AGPAT4: variants seen among roughly 807,000 people sequenced by gnomAD.
AGPAT4 encodes the protein 1-acyl-sn-glycerol-3-phosphate acyltransferase delta.
Under a neutral mutation model 48.0 loss-of-function variants are expected in AGPAT4, and 15 were observed. That is an observed-to-expected ratio of 0.31 (90% CI 0.21 to 0.48). The LOEUF is 0.48. Among genes scored for constraint, AGPAT4 ranks in the 20% least tolerant of loss-of-function variants. The pLI, the probability that AGPAT4 is intolerant of heterozygous loss-of-function variation, is 0.99. For synonymous variants in AGPAT4, 178 were observed against 198.7 expected, an observed-to-expected ratio of 0.90 and a Z score of 0.88; for missense variants, 314 against 482.5, an observed-to-expected ratio of 0.65 and a Z score of 3.27.
rs1403088162 is a variant in AGPAT4, at chr6:161,134,263, G to T, written c.*2277C>A. On this transcript the variant is annotated 3_prime_UTR_variant, in exon 9 of 9. Transcript: ENST00000320285. ...AGCCTGGAACCCAAGGCCCTAGCAG[G>T]CAGGCTGTTTGCTTGCTTGTGTGTT... 3 of 152,186 alleles carry T rather than the reference G, an allele frequency of 2.0e-5. No homozygotes were observed. Among genetic ancestry groups the T allele is most frequent in the African/African-American group, 7.2e-5 (3 of 41,446 alleles). 9.4% of individuals were successfully genotyped at this position (152,186 alleles called of 1,614,324 possible).
In AGPAT4 at chr6:161,242,935, G is replaced by A. The variant is rs111554537; in HGVS notation, c.-89-10633C>T. On this transcript the variant is annotated intron_variant, in intron 1 of 8. Coordinates refer to ENST00000320285, the MANE Select transcript of AGPAT4 (RefSeq NM_020133.3). This position sits in a 1 kb window ranked among gnomAD's most constrained non-coding sequence, Gnocchi z 5.0. ...ACACAAAAATTAGCCGGGCGTGGTGGCACGTGCCTCCCAGCTACTCGGGAG... is the reference window on the plus strand; with the variant it reads ...ACACAAAAATTAGCCGGGCGTGGTGACACGTGCCTCCCAGCTACTCGGGAG... 4.2e-3 allele frequency among the ~76,000 whole-genome samples: 641 copies of A among 152,170 alleles called. 3 individuals are homozygous for A. Among genetic ancestry groups the A allele is most frequent in the African/African-American group, 0.015 (604 of 41,504 alleles).
At position 161,139,519 on chromosome 6, in the gene AGPAT4, G is replaced by C. The variant is rs1779181496; in HGVS notation, c.945C>G (p.Ala315=). The C allele has an allele frequency of 6.2e-7, 1 of 1,613,994 alleles. No homozygotes were observed. Among genetic ancestry groups the C allele is most frequent in the South Asian group, 1.1e-5 (1 of 91,090 alleles). ...PWTLVNWLFW[A]SLVLYPFFQF... is the part of the protein sequence containing the mutation. ...GGAAGAAAGGGTAGAGCACCAGCGAGGCCCAAAACAGCCAGTTCACGAGGG... is the reference window on the plus strand; with the variant it reads ...GGAAGAAAGGGTAGAGCACCAGCGACGCCCAAAACAGCCAGTTCACGAGGG... Residue 315 remains alanine (A), a synonymous_variant, in exon 8 of 9, where the codon GCC becomes GCG. Coordinates refer to ENST00000320285, the MANE Select transcript of AGPAT4 (RefSeq NM_020133.3). The surrounding 1 kb of genome is among the most constrained non-coding windows in gnomAD (Gnocchi z 9.1).
chr6:161,224,311 T>C (rs1007972688), intron 2 of AGPAT4, among the ~76,000 whole-genome samples: 1 of 152,212 alleles, frequency 6.6e-6, no homozygotes, highest in South Asian at 2.1e-4. Flanking sequence ...ATGTGGCAAG[T>C]AGAACCGTTT....
At chr6:161,256,385 G>A (rs1373117433) in intron 1 of AGPAT4, among the ~76,000 whole-genome samples, 1 of 152,216 alleles carries the variant, frequency 6.6e-6, no homozygotes, top group Non-Finnish European at 1.5e-5. Flanking sequence ...AGTCTTCGGT[G>A]GATCAAATAT....
At position 161,140,297 on chromosome 6, in the gene AGPAT4, T is replaced by C. The variant is rs983518034; in HGVS notation, c.844-677A>G. ...GGGTGTCCAGGGTGACTCTTCTAAG[T>C]GATTGTTAGACCGTGTGAAAGGTAA... On this transcript the variant is annotated intron_variant, in intron 7 of 8. Transcript: ENST00000320285. This position sits in a 1 kb window ranked among gnomAD's most constrained non-coding sequence, Gnocchi z 6.5. 2.2e-4 allele frequency among the ~76,000 whole-genome samples: 33 copies of C among 152,286 alleles called. No individual in the cohort carries two copies. The highest frequency in any genetic ancestry group is 7.0e-4 in the African/African-American group (29 of 41,568).
chr6:161,269,438 A>G (rs1297753513), intron 1 of AGPAT4, among the ~76,000 whole-genome samples: 1 of 152,228 alleles, frequency 6.6e-6, no homozygotes, highest in Non-Finnish European at 1.5e-5. Context: ...TGTTCAATGA[A>G]AGAAGTATCC....
Position 161,169,629 on chromosome 6 carries a change from A to C in AGPAT4, c.179-3212T>G, listed in dbSNP as rs573008109. Among the ~76,000 whole-genome samples the C allele has an allele frequency of 1.3e-5, 2 of 152,102 alleles. No individual in the cohort carries two copies. Among genetic ancestry groups the C allele is most frequent in the Non-Finnish European group, 2.9e-5 (2 of 68,016 alleles). On this transcript the variant is annotated intron_variant, in intron 2 of 8. Coordinates refer to ENST00000320285, the MANE Select transcript of AGPAT4 (RefSeq NM_020133.3). This position sits in a 1 kb window ranked among gnomAD's most constrained non-coding sequence, Gnocchi z 5.0. Reference sequence around the variant, plus strand: ...GGGATTATAGGCATGAGCCACCACGACTAGCCCATTTTCTTAATCAAATGA... The same window carrying C: ...GGGATTATAGGCATGAGCCACCACGCCTAGCCCATTTTCTTAATCAAATGA...
chr6:161,137,858 A>G lies in AGPAT4; in HGVS notation c.1043-1224T>C, dbSNP rs901552593. On this transcript the variant is annotated intron_variant, in intron 8 of 8. Transcript: ENST00000320285. This position sits in a 1 kb window ranked among gnomAD's most constrained non-coding sequence, Gnocchi z 6.1. ...ACACTGCACCCCTCAGATGCTCCTGAAGACTCCCTGTGTCCATACTGCACC... is the reference window on the plus strand; with the variant it reads ...ACACTGCACCCCTCAGATGCTCCTGGAGACTCCCTGTGTCCATACTGCACC... Among the ~76,000 whole-genome samples the G allele has an allele frequency of 1.3e-5, 2 of 149,834 alleles. No individual in the cohort carries two copies. The highest frequency in any genetic ancestry group is 2.5e-5 in the African/African-American group (1 of 40,528).
intron 2 of AGPAT4, among the ~76,000 whole-genome samples, chr6:161,209,073 TA>T (rs1173954094): frequency 1.3e-5 from 2 of 152,188 alleles, no homozygotes; most frequent in Non-Finnish European, 2.9e-5. Context: ...GGGTTGCCCA[TA>T]AATCAGCTTG....
intron 2 of AGPAT4, among the ~76,000 whole-genome samples, chr6:161,209,083 T>G (rs141820549): frequency 6.6e-6 from 1 of 152,280 alleles, no homozygotes; most frequent in East Asian, 1.9e-4. Context: ...TAAATCAGCT[T>G]GAAACCTGGT....
intron 2 of AGPAT4, among the ~76,000 whole-genome samples, chr6:161,199,450 C>A (rs114393608): frequency 4.4e-4 from 67 of 152,300 alleles, no homozygotes; most frequent in African/African-American, 1.5e-3. Flanking sequence ...TGGTCATACA[C>A]ACACACACAT....
rs1780862413 is a variant in AGPAT4, at chr6:161,189,512, A to T, written c.179-23095T>A. Among the ~76,000 whole-genome samples the T allele has an allele frequency of 6.6e-6, 1 of 152,192 alleles. No individual in the cohort carries two copies. The highest frequency in any genetic ancestry group is 1.5e-5 in the Non-Finnish European group (1 of 68,030). On this transcript the variant is annotated intron_variant, in intron 2 of 8. Coordinates refer to ENST00000320285, the MANE Select transcript of AGPAT4 (RefSeq NM_020133.3). The surrounding 1 kb of genome is among the most constrained non-coding windows in gnomAD (Gnocchi z 5.3). ...GCGGAATTCACTTACTTACAACCTTAGTTGCCCGTCAGGACTATCCCTCCT... is the reference window on the plus strand; with the variant it reads ...GCGGAATTCACTTACTTACAACCTTTGTTGCCCGTCAGGACTATCCCTCCT...
At position 161,233,385 on chromosome 6, in the gene AGPAT4, C is replaced by G. The variant is rs1782180791; in HGVS notation, c.-89-1083G>C. Reference sequence around the variant, plus strand: ...GAAGCAGAAGAGCCTGGCAGACTACCCCAGGAAGACGTCTAATGTTACGAC... The same window carrying G: ...GAAGCAGAAGAGCCTGGCAGACTACGCCAGGAAGACGTCTAATGTTACGAC... On this transcript the variant is annotated intron_variant, in intron 1 of 8. Transcript: ENST00000320285. This position sits in a 1 kb window ranked among gnomAD's most constrained non-coding sequence, Gnocchi z 5.4. Among the ~76,000 whole-genome samples the G allele has an allele frequency of 6.6e-6, 1 of 152,158 alleles. No homozygotes were observed. The highest frequency in any genetic ancestry group is 1.5e-5 in the Non-Finnish European group (1 of 68,022).
chr6:161,170,323 T>A (rs1780227782), intron 2 of AGPAT4, among the ~76,000 whole-genome samples: 1 of 152,212 alleles, frequency 6.6e-6, no homozygotes, highest in Non-Finnish European at 1.5e-5. Flanking sequence ...GTTTAGCTTC[T>A]TATTGAACCC....
chr6:161,156,253 C>T (rs969351596), intron 3 of AGPAT4, among the ~76,000 whole-genome samples: 19 of 152,310 alleles, frequency 1.2e-4, no homozygotes, highest in African/African-American at 4.3e-4. Context: ...CTACTGCCCT[C>T]GGGACAAGCC....
Position 161,220,689 on chromosome 6 carries a change from T to C in AGPAT4, c.178+11347A>G, listed in dbSNP as rs1409186364. On this transcript the variant is annotated intron_variant, in intron 2 of 8. Coordinates refer to ENST00000320285, the MANE Select transcript of AGPAT4 (RefSeq NM_020133.3). The surrounding 1 kb of genome is among the most constrained non-coding windows in gnomAD (Gnocchi z 6.0). ...CCTATTGCCCTTCTGCCTTTCTCTA[T>C]GTTTGAAGGACAGTTTCATTCTATC... is the stretch of plus-strand genomic sequence containing the variant. 6.6e-6 allele frequency among the ~76,000 whole-genome samples: 1 copy of C among 152,232 alleles called. No homozygotes were observed. Among genetic ancestry groups the C allele is most frequent in the Non-Finnish European group, 1.5e-5 (1 of 68,042 alleles).
Position 161,161,097 on chromosome 6 carries a change from G to C in AGPAT4, c.348+5151C>G. On this transcript the variant is annotated intron_variant, in intron 3 of 8. Transcript: ENST00000320285. This position sits in a 1 kb window ranked among gnomAD's most constrained non-coding sequence, Gnocchi z 4.6. ...CACAGGCTGTGACCGTTTGCTGAGG[G>C]CTGCGCACAGAGGAGGAGGAAGCCC... 4.4e-6 allele frequency: 2 copies of C among 456,714 alleles called. No individual in the cohort carries two copies. The highest frequency in any genetic ancestry group is 8.8e-6 in the Non-Finnish European group (2 of 226,974). The allele number at this position is 456,714 out of a possible 1,614,324, so 28.3% of individuals were successfully genotyped here. A position where few individuals can be genotyped will look rare whatever the true frequency, so the allele number is the denominator to read the frequency against.
rs1562343446 is a variant in AGPAT4 at position 161,219,824 on chromosome 6, G to GATAGATAGATAGAT, written c.178+12211_178+12212insATCTATCTATCTAT. ...AGATTCACAGTAAAAAAGATAGACA[G>GATAGATAGATAGAT]AGATAGATAGATAGATAGATAGATA... On this transcript the variant is annotated intron_variant, in intron 2 of 8. Coordinates refer to ENST00000320285, the MANE Select transcript of AGPAT4 (RefSeq NM_020133.3). The surrounding 1 kb of genome is among the most constrained non-coding windows in gnomAD (Gnocchi z 4.9). Among the ~76,000 whole-genome samples the GATAGATAGATAGAT allele has an allele frequency of 2.2e-5, 2 of 89,504 alleles. No homozygotes were observed. The highest frequency in any genetic ancestry group is 4.2e-5 in the African/African-American group (1 of 23,568). 58.7% of individuals were successfully genotyped at this position (89,504 alleles called of 152,430 possible).
At position 161,216,998 on chromosome 6, in the gene AGPAT4, T is replaced by C. The variant is rs2115023120; in HGVS notation, c.178+15038A>G. On this transcript the variant is annotated intron_variant, in intron 2 of 8. Coordinates refer to ENST00000320285, the MANE Select transcript of AGPAT4 (RefSeq NM_020133.3). The surrounding 1 kb of genome is among the most constrained non-coding windows in gnomAD (Gnocchi z 4.8). ...ACACGTGGCTCTGATTCACCTTTGC[T>C]CACCTGCTGATGCGGTTCTCATGTT... Among the ~76,000 whole-genome samples the C allele has an allele frequency of 6.6e-6, 1 of 152,346 alleles. No individual in the cohort carries two copies. Among genetic ancestry groups the C allele is most frequent in the South Asian group, 2.1e-4 (1 of 4,826 alleles).
Sources: gnomAD v4.1 joint callset for allele counts (sites outside exome capture counted in the v4.1 genomes callset) on GRCh38, gnomAD v4.1.1 for gene constraint, Gnocchi (gnomAD v3.1) non-coding constraint, MANE v1.5 for transcripts, NCBI Gene and HGNC (gene_info 2026-07-23, HGNC 2026-07-21) for gene names.